The following SLC24A3 variants were observed in gnomAD, a reference collection of about 807,000 sequenced individuals.
SLC24A3 encodes the protein sodium/potassium/calcium exchanger 3.
Under a neutral mutation model 75.8 loss-of-function variants are expected in SLC24A3, and 28 were observed. The observed-to-expected ratio is 0.37, with a 90% CI of 0.27 to 0.51. SLC24A3 has a LOEUF of 0.51. Ranked by LOEUF, SLC24A3 falls within the 20% of genes least tolerant of loss-of-function variation. The probability of loss-of-function intolerance (pLI) is 0.94; values close to 1 mark genes in which losing one functional copy is unlikely to be tolerated. For missense variants in SLC24A3, 663 were observed against 847.8 expected (o/e 0.78, Z 2.71); for synonymous variants, 372 against 334.1 (o/e 1.11, Z -1.24).
At chr20:19,246,433 A>G (rs1982485812) in intron 1 of SLC24A3, among the ~76,000 whole-genome samples, 1 of 152,162 alleles carries the variant, frequency 6.6e-6, no homozygotes, top group African/African-American at 2.4e-5. Flanking sequence ...ATCCGCAAAA[A>G]TGAATAATGT....
intron 2 of SLC24A3, among the ~76,000 whole-genome samples, chr20:19,363,615 A>T (rs1985832396): frequency 6.6e-6 from 1 of 152,178 alleles, no homozygotes; most frequent in Non-Finnish European, 1.5e-5. Context: ...CATGAGAGGA[A>T]CAAAATACAC....
At position 19,296,000 on chromosome 20, in the gene SLC24A3, G is replaced by C. The variant is rs538133056; in HGVS notation, c.271+14913G>C. Among the ~76,000 whole-genome samples, 4 of 152,116 alleles carry C rather than the reference G, an allele frequency of 2.6e-5. No individual in the cohort carries two copies. The Middle Eastern group carries it at 0.014, about 517-fold the overall frequency. ...TCTGTCTGGTCCTGGGCTTTTTTTG[G>C]TTGGTAGGCTATTTATTACTGTCTC... On this transcript the variant is annotated intron_variant, in intron 2 of 16. Coordinates refer to ENST00000328041, the MANE Select transcript of SLC24A3 (RefSeq NM_020689.4).
chr20:19,418,849 G>A (rs973805305), intron 2 of SLC24A3, among the ~76,000 whole-genome samples: 58 of 152,058 alleles, frequency 3.8e-4, no homozygotes, highest in African/African-American at 1.4e-3. Flanking sequence ...CATGTCAGTG[G>A]GACTCAGGAG....
intron 8 of SLC24A3, among the ~76,000 whole-genome samples, chr20:19,670,723 G>A: frequency 6.6e-6 from 1 of 152,220 alleles, no homozygotes; most frequent in East Asian, 1.9e-4. Flanking sequence ...ACCATGAAGT[G>A]TATGCTACGT....
intron 2 of SLC24A3, among the ~76,000 whole-genome samples, chr20:19,479,985 C>T (rs1449394018): frequency 6.6e-6 from 1 of 152,206 alleles, no homozygotes; most frequent in African/African-American, 2.4e-5. Flanking sequence ...AGACTCAGTC[C>T]TTCCCTCTAT....
At chr20:19,521,480 A>G (rs2030097467) in intron 3 of SLC24A3, among the ~76,000 whole-genome samples, 1 of 151,950 alleles carries the variant, frequency 6.6e-6, no homozygotes, top group South Asian at 2.1e-4. Context: ...ATCCTCAGCA[A>G]AAGTGGAGAC....
intron 15 of SLC24A3, among the ~76,000 whole-genome samples, chr20:19,709,460 A>C (rs1009340512): frequency 5.3e-5 from 8 of 152,188 alleles, no homozygotes; most frequent in Middle Eastern, 3.4e-3. Context: ...TGTCCCTACT[A>C]AAAACACAAA....
intron 3 of SLC24A3, among the ~76,000 whole-genome samples, chr20:19,532,648 A>C (rs2030323644): frequency 6.6e-6 from 1 of 152,226 alleles, no homozygotes; most frequent in Non-Finnish European, 1.5e-5. Flanking sequence ...GCTCAGTGGT[A>C]GGTGACACGT....
chr20:19,587,648 T>G (rs2031317113), intron 6 of SLC24A3, among the ~76,000 whole-genome samples: 1 of 152,314 alleles, frequency 6.6e-6, no homozygotes, highest in East Asian at 1.9e-4. Flanking sequence ...AATTATGTTT[T>G]GGGAAGAACA....
chr20:19,623,505 G>A (rs2031831182), intron 6 of SLC24A3, among the ~76,000 whole-genome samples: 1 of 152,136 alleles, frequency 6.6e-6, no homozygotes, highest in African/African-American at 2.4e-5. Flanking sequence ...GGGTTGGCCA[G>A]CACAATGCCA....
intron 2 of SLC24A3, among the ~76,000 whole-genome samples, chr20:19,412,626 GAGGA>G (rs1326846463): frequency 5.3e-5 from 8 of 151,318 alleles, no homozygotes; most frequent in African/African-American, 1.9e-4. Context: ...GGAGGAGGAG[GAGGA>G]GGGGGGGAGG....
intron 2 of SLC24A3, among the ~76,000 whole-genome samples, chr20:19,370,422 G>A (rs552056101): frequency 6.6e-6 from 1 of 152,244 alleles, no homozygotes; most frequent in East Asian, 1.9e-4. Context: ...ACCCAGGTCA[G>A]AACTTTCAGG....
intron 6 of SLC24A3, among the ~76,000 whole-genome samples, chr20:19,629,757 G>T (rs1051120271): frequency 6.6e-6 from 1 of 152,186 alleles, no homozygotes; most frequent in African/African-American, 2.4e-5. Flanking sequence ...TATATTCAAA[G>T]TGCTAAAAGA....
At chr20:19,392,801 T>A (rs1270291371) in intron 2 of SLC24A3, among the ~76,000 whole-genome samples, 2 of 152,214 alleles carry the variant, frequency 1.3e-5, no homozygotes, top group East Asian at 3.8e-4. Flanking sequence ...GAGTATGACA[T>A]GTGGGTAAAT....
chr20:19,330,569 A>G (rs1262391754), intron 2 of SLC24A3, among the ~76,000 whole-genome samples: 1 of 152,204 alleles, frequency 6.6e-6, no homozygotes, highest in African/African-American at 2.4e-5. Context: ...TAATAAATAG[A>G]TAAAGCAGTG....
At chr20:19,350,985 A>G (rs1359866812) in intron 2 of SLC24A3, among the ~76,000 whole-genome samples, 4 of 152,184 alleles carry the variant, frequency 2.6e-5, no homozygotes, top group African/African-American at 9.7e-5. Flanking sequence ...TAGACTTTAT[A>G]CATATTAATG....
At chr20:19,436,281 T>G (rs895946191) in intron 2 of SLC24A3, among the ~76,000 whole-genome samples, 1 of 152,206 alleles carries the variant, frequency 6.6e-6, no homozygotes, top group Non-Finnish European at 1.5e-5. Context: ...CTCCTCTGAC[T>G]TCCTTTAAAA....
chr20:19,512,740 T>C (rs142582832), intron 2 of SLC24A3, among the ~76,000 whole-genome samples: 120 of 152,298 alleles, frequency 7.9e-4, no homozygotes, highest in African/African-American at 2.7e-3. Flanking sequence ...ACGTGGATGA[T>C]GCTCATGGGG....
At chr20:19,559,794 G>A (rs1030802910) in intron 3 of SLC24A3, among the ~76,000 whole-genome samples, 1 of 151,736 alleles carries the variant, frequency 6.6e-6, no homozygotes, top group Admixed American at 6.6e-5. Flanking sequence ...TCATACGTTG[G>A]CTTCTGTGAG....
Sources: gnomAD v4.1 joint callset for allele counts (sites outside exome capture counted in the v4.1 genomes callset) on GRCh38, gnomAD v4.1.1 for gene constraint, MANE v1.5 for transcripts, NCBI Gene and HGNC (gene_info 2026-07-23, HGNC 2026-07-21) for gene names.